BEND2: variants seen among roughly 807,000 people sequenced by gnomAD.
BEND2 encodes BEN domain containing 2.
Under a neutral mutation model 43.8 loss-of-function variants are expected in BEND2, and 19 were observed. The observed-to-expected ratio is 0.43, with a 90% CI of 0.30 to 0.64. The LOEUF (loss-of-function observed/expected upper bound fraction) is 0.64. BEND2 is among the 30% of genes least tolerant of loss of function. BEND2 has a pLI of 0.11. For synonymous variants in BEND2, 226 were observed against 210.1 expected, an observed-to-expected ratio of 1.08 and a Z score of -0.66; for missense variants, 544 against 574.0, an observed-to-expected ratio of 0.95 and a Z score of 0.53.
At chrX:18,216,390 G>T in intron 2 of BEND2, 131 bp downstream of exon 2, 1 of 546,833 alleles carries the variant, frequency 1.8e-6, no homozygotes, top group East Asian at 3.6e-5. Context: ...TAAACATTGT[G>T]GTATTACCAT....
At chrX:18,211,619 C>T (rs1925502663) in intron 4 of BEND2, among the ~76,000 whole-genome samples, 2 of 111,199 alleles carry the variant, frequency 1.8e-5, no homozygotes, top group Middle Eastern at 4.7e-3. Flanking sequence ...ACTGTCTCTA[C>T]TAAAAATCCA....
chrX:18,195,490 A>G (rs748567261), intron 6 of BEND2, 48 bp from the exon 7 acceptor site: 14 of 1,086,552 alleles, frequency 1.3e-5, no homozygotes, highest in Non-Finnish European at 1.7e-5. Context: ...TACATGAGGT[A>G]AAACTATCCT....
chrX:18,178,198 G>A (rs1048402693), intron 9 of BEND2, among the ~76,000 whole-genome samples: 11 of 112,079 alleles, frequency 9.8e-5, no homozygotes, highest in East Asian at 2.8e-4. Flanking sequence ...TGTTGAAAGC[G>A]TGGGTGGGGA....
rs201052590 is a variant in BEND2 at position 18,206,233 on chromosome X, TG to T, written c.493-2319del. 9.7e-3 allele frequency among the ~76,000 whole-genome samples: 1,076 copies of T among 110,542 alleles called. 18 individuals are homozygous for T. The highest frequency in any genetic ancestry group is 0.034 in the African/African-American group (1,032 of 30,347). Reference sequence around the variant, plus strand: ...AGGAGGCTAAGCATGCACAGAAGAGTGGGCCTAACCCAGGCTGGCAGTCATG... The same window carrying T: ...AGGAGGCTAAGCATGCACAGAAGAGTGGCCTAACCCAGGCTGGCAGTCATG... On this transcript the variant is annotated intron_variant, in intron 4 of 13. Coordinates refer to ENST00000380033, the MANE Select transcript of BEND2 (RefSeq NM_153346.5).
intron 8 of BEND2, among the ~76,000 whole-genome samples, chrX:18,188,983 G>C (rs191081626): frequency 9.2e-6 from 1 of 109,077 alleles, no homozygotes; most frequent in Non-Finnish European, 1.9e-5. Context: ...GGTGGATTAC[G>C]AGGTCAGGAG....
chrX:18,195,563 G>A lies in BEND2; in HGVS notation c.1034-121C>T, dbSNP rs1237869347. The stretch of plus-strand genomic sequence containing the variant: ...AAACTAAAAAAATCTGTCCCTAGCC[G>A]ACTTATCCATATAAAAGGTTAAAGG... On this transcript the variant is annotated intron_variant, in intron 6 of 13. Coordinates refer to ENST00000380033, the MANE Select transcript of BEND2 (RefSeq NM_153346.5). The A allele has an allele frequency of 1.8e-5, 12 of 683,268 alleles. No individual in the cohort carries two copies. In the East Asian group the frequency reaches 1.8e-4, roughly 10 times the overall value. 56.3% of individuals were successfully genotyped at this position (683,268 alleles called of 1,213,427 possible).
chrX:18,167,852 C>T (rs1041259583), intron 13 of BEND2, among the ~76,000 whole-genome samples: 1 of 112,476 alleles, frequency 8.9e-6, no homozygotes, highest in African/African-American at 3.2e-5. Context: ...AGGCATGAGC[C>T]ACTGTGCCCG....
chrX:18,193,704 C>T (rs1011679502), intron 7 of BEND2, among the ~76,000 whole-genome samples: 1 of 111,701 alleles, frequency 9.0e-6, no homozygotes, highest in Non-Finnish European at 1.9e-5. Context: ...ACATTAAGGA[C>T]GTTGATGGAT....
chrX:18,209,616 A>G (rs1925444992), intron 4 of BEND2, among the ~76,000 whole-genome samples: 1 of 112,151 alleles, frequency 8.9e-6, no homozygotes, highest in Admixed American at 9.5e-5. Context: ...TATTCAAGAG[A>G]AAGTATCAGA....
intron 13 of BEND2, among the ~76,000 whole-genome samples, chrX:18,165,614 A>G (rs1434106877): frequency 8.9e-6 from 1 of 112,242 alleles, no homozygotes; most frequent in Non-Finnish European, 1.9e-5. Context: ...CTGCAGTGTC[A>G]TCCTACTTTG....
At chrX:18,170,957 C>T (rs1923953240) in intron 13 of BEND2, 44 bp downstream of exon 13, 1 of 1,208,567 alleles carries the variant, frequency 8.3e-7, no homozygotes, top group African/African-American at 1.7e-5. Flanking sequence ...CTCTTAAACA[C>T]AATTGGCTTT....
intron 8 of BEND2, among the ~76,000 whole-genome samples, chrX:18,182,023 T>C (rs934315262): frequency 2.1e-4 from 24 of 111,977 alleles, no homozygotes; most frequent in African/African-American, 7.1e-4. Flanking sequence ...GACCCAACTA[T>C]ATGCTCTTTA....
Position 18,171,089 on chromosome X carries a change from T to C in BEND2, c.2097A>G (p.Thr699=), listed in dbSNP as rs753227613. The change falls in exon 13 of 14, where the codon ACA becomes ACG. Residue 699 remains threonine (T), a synonymous_variant. Transcript: ENST00000380033. ...CGTTACTTTGGACCAGGACATCTTT[T>C]GTGAAGAGTTTCTGAATAAGGTATC... The part of the protein sequence containing the change: ...SARYLIQKLF[T]KDVLVQSNVY... The C allele has an allele frequency of 4.1e-6, 5 of 1,210,873 alleles. No individual in the cohort carries two copies. In the East Asian group the frequency reaches 1.5e-4, roughly 36 times the overall value.
At chrX:18,177,407 T>C (rs1036858625) in intron 10 of BEND2, among the ~76,000 whole-genome samples, 162 bp downstream of exon 10, 2 of 109,741 alleles carry the variant, frequency 1.8e-5, no homozygotes, top group African/African-American at 6.6e-5. Context: ...TTACCAATTA[T>C]ATATTATTAA....
At position 18,212,637 on chromosome X, in the gene BEND2, T is replaced by A. The variant is rs748036396; in HGVS notation, c.420A>T (p.Val140=). 5.0e-6 allele frequency: 6 copies of A among 1,208,715 alleles called. No homozygotes were observed. The highest frequency in any genetic ancestry group is 5.6e-6 in the Non-Finnish European group (5 of 894,314). The stretch of plus-strand genomic sequence containing the variant: ...AGTTGTAACTGTATCTTCTTAAATG[T>A]ACTGGGTGGTTTATCTGTGAAACTA... ...DQIVSQINHP[V]HLRRYSYNSE... Residue 140 remains valine, a synonymous_variant, in exon 4 of 14, where the codon GTA becomes GTT. Coordinates refer to ENST00000380033, the MANE Select transcript of BEND2 (RefSeq NM_153346.5).
At chrX:18,169,421 A>G (rs1366691051) in intron 13 of BEND2, among the ~76,000 whole-genome samples, 1 of 110,997 alleles carries the variant, frequency 9.0e-6, no homozygotes, top group East Asian at 2.8e-4. Context: ...GTAGACAGGT[A>G]TTTATTATAT....
chrX:18,171,088 T>G lies in BEND2; in HGVS notation c.2098A>C (p.Lys700Gln). The change falls in exon 13 of 14, where the codon AAA (lysine) becomes CAA (glutamine). Residue 700 changes from lysine (K) to glutamine (Q), a missense_variant. Lys to Gln is a moderately conservative substitution (Grantham distance 53). Coordinates refer to ENST00000380033, the MANE Select transcript of BEND2 (RefSeq NM_153346.5). ...ACGTTACTTTGGACCAGGACATCTTTTGTGAAGAGTTTCTGAATAAGGTAT... is the reference window on the plus strand; with the variant it reads ...ACGTTACTTTGGACCAGGACATCTTGTGTGAAGAGTTTCTGAATAAGGTAT... ...ARYLIQKLFT[K>Q]DVLVQSNVYG... The G allele has an allele frequency of 2.5e-6, 3 of 1,211,827 alleles. No individual in the cohort carries two copies. Among genetic ancestry groups the G allele is most frequent in the Non-Finnish European group, 3.4e-6 (3 of 895,303 alleles).
chrX:18,208,344 G>T (rs921211543), intron 4 of BEND2, among the ~76,000 whole-genome samples: 1 of 109,716 alleles, frequency 9.1e-6, no homozygotes, highest in African/African-American at 3.3e-5. Context: ...AAAATTAGCC[G>T]GGCGTGGTGG....
intron 7 of BEND2, among the ~76,000 whole-genome samples, chrX:18,194,048 A>G (rs1924861659): frequency 8.9e-6 from 1 of 111,907 alleles, no homozygotes; most frequent in African/African-American, 3.2e-5. Context: ...AAATGGCTAT[A>G]CGAAAACCTT....
Sources: gnomAD v4.1 joint callset for allele counts (sites outside exome capture counted in the v4.1 genomes callset) on GRCh38, gnomAD v4.1.1 for gene constraint, MANE v1.5 for transcripts, NCBI Gene and HGNC (gene_info 2026-07-23, HGNC 2026-07-21) for gene names.